The following ERC1 variants were observed in gnomAD, a reference collection of about 807,000 sequenced individuals.
ERC1 encodes the protein ELKS/RAB6-interacting/CAST family member 1.
In ERC1, 56 loss-of-function variants were observed where a neutral mutation model predicts 132.0. That is an observed-to-expected ratio of 0.42 (90% CI 0.34 to 0.53). ERC1 has a LOEUF of 0.53. Among genes scored for constraint, ERC1 ranks in the 20% least tolerant of loss-of-function variants. The pLI is 0.03. For missense variants in ERC1, 1,202 were observed against 1,349.9 expected, an observed-to-expected ratio of 0.89 and a Z score of 1.72; for synonymous variants, 478 against 476.1, an observed-to-expected ratio of 1.00 and a Z score of -0.05.
At chr12:1,137,900 A>G (rs550754827) in intron 7 of ERC1, among the ~76,000 whole-genome samples, 1 of 141,936 alleles carries the variant, frequency 7.0e-6, no homozygotes, top group Admixed American at 7.5e-5. Context: ...TATTATGTAT[A>G]TTATTTATAT....
chr12:1,297,133 AT>A (rs2080015995), intron 15 of ERC1, among the ~76,000 whole-genome samples: 1 of 151,926 alleles, frequency 6.6e-6, no homozygotes, highest in Non-Finnish European at 1.5e-5. Context: ...AAGGGAAACT[AT>A]GATAGCTGAG....
At chr12:1,316,913 A>T (rs2081777425) in intron 15 of ERC1, among the ~76,000 whole-genome samples, 1 of 152,226 alleles carries the variant, frequency 6.6e-6, no homozygotes, top group South Asian at 2.1e-4. Context: ...TAATCCCAGC[A>T]CTTTGGGAGG....
intron 12 of ERC1, among the ~76,000 whole-genome samples, chr12:1,197,360 A>G (rs1052825269): frequency 1.5e-4 from 23 of 152,064 alleles, no homozygotes; most frequent in Admixed American, 1.4e-3. Context: ...CATGCCTAAC[A>G]ATTCCAGTGT....
intron 2 of ERC1, among the ~76,000 whole-genome samples, chr12:1,066,653 A>G (rs59619170): frequency 0.015 from 2,291 of 152,228 alleles, 54 homozygotes; most frequent in African/African-American, 0.053. Context: ...CCTGGCCAAC[A>G]TGGTGAAACC....
chr12:1,213,400 G>A (rs1207071758), intron 12 of ERC1, among the ~76,000 whole-genome samples: 1 of 152,154 alleles, frequency 6.6e-6, no homozygotes, highest in South Asian at 2.1e-4. Context: ...AAGGAAGAGT[G>A]CGTAGAAATA....
At chr12:1,361,098 CAAAA>C (rs760525917) in intron 15 of ERC1, among the ~76,000 whole-genome samples, 3 of 48,128 alleles carry the variant, frequency 6.2e-5, no homozygotes, top group African/African-American at 2.0e-4. Flanking sequence ...GGCTCTGTCT[CAAAA>C]AAAAAAAAAA....
intron 18 of ERC1, among the ~76,000 whole-genome samples, chr12:1,467,263 GT>G (rs1261983866): frequency 6.6e-6 from 1 of 152,170 alleles, no homozygotes; most frequent in African/African-American, 2.4e-5. Flanking sequence ...CAGTGGTTCG[GT>G]TTGTTCCTTT....
intron 16 of ERC1, among the ~76,000 whole-genome samples, chr12:1,394,216 C>T (rs1024482119): frequency 2.5e-4 from 37 of 150,864 alleles, no homozygotes; most frequent in East Asian, 9.9e-4. Context: ...CTGGCTAACA[C>T]GGTGAAACCC....
At position 1,419,864 on chromosome 12, in the gene ERC1, CAAA is replaced by C. The variant is rs61705685; in HGVS notation, c.3024+11631_3024+11633del. On this transcript the variant is annotated intron_variant, in intron 17 of 18. Transcript: ENST00000360905. ...AAAAGAAGTAATGGTGATTTTCTGGCAAAAAAAAAAAAAAAAGATACATTCAAA... is the reference window on the plus strand; with the variant it reads ...AAAAGAAGTAATGGTGATTTTCTGGCAAAAAAAAAAAAAGATACATTCAAA... Among the ~76,000 whole-genome samples, 402 of 136,790 alleles carry C rather than the reference CAAA, an allele frequency of 2.9e-3. 1 individual carries two copies. Among genetic ancestry groups the C allele is most frequent in the Admixed American group, 6.9e-3 (94 of 13,694 alleles). 89.7% of individuals were successfully genotyped at this position (136,790 alleles called of 152,430 possible).
intron 16 of ERC1, among the ~76,000 whole-genome samples, chr12:1,383,946 G>A (rs998478891): frequency 5.5e-4 from 83 of 152,146 alleles, no homozygotes; most frequent in African/African-American, 2.0e-3. Context: ...AAGAGGTTAA[G>A]TAACTTGCCC....
chr12:1,312,791 G>A (rs1270771785), intron 15 of ERC1, among the ~76,000 whole-genome samples: 1 of 152,006 alleles, frequency 6.6e-6, no homozygotes, highest in African/African-American at 2.4e-5. Flanking sequence ...TTATGAGTTG[G>A]TCATTTCTTT....
intron 4 of ERC1, among the ~76,000 whole-genome samples, chr12:1,107,380 T>C (rs1285521774): frequency 6.6e-6 from 1 of 152,180 alleles, no homozygotes; most frequent in Non-Finnish European, 1.5e-5. Flanking sequence ...TCCTGGACTG[T>C]ACCCTGGATC....
intron 1 of ERC1, among the ~76,000 whole-genome samples, chr12:1,019,914 T>C (rs1966083701): frequency 6.6e-6 from 1 of 151,860 alleles, no homozygotes; most frequent in Non-Finnish European, 1.5e-5. Context: ...GCTATTTTTT[T>C]TTTTATTTTT....
chr12:1,489,010 C>T (rs1565542373), intron 18 of ERC1, among the ~76,000 whole-genome samples: 3 of 152,324 alleles, frequency 2.0e-5, no homozygotes, highest in East Asian at 1.9e-4. Context: ...TTTAAAACTG[C>T]GTGGACTCCT....
At chr12:1,296,401 C>CTTTTTTTTTTTTTTTTTTTTTTTTTTTT (rs57458560) in intron 15 of ERC1, among the ~76,000 whole-genome samples, 1 of 76,206 alleles carries the variant, frequency 1.3e-5, no homozygotes, top group Non-Finnish European at 2.4e-5. Context: ...ATTGGATAGT[C>CTTTTTTTTTTTTTTTTTTTTTTTTTTTT]TTTTTTTTTT....
intron 8 of ERC1, among the ~76,000 whole-genome samples, chr12:1,157,810 A>G (rs1309642205): frequency 6.6e-6 from 1 of 152,230 alleles, no homozygotes; most frequent in Non-Finnish European, 1.5e-5. Context: ...AAAATTGACC[A>G]TTGGCTTTAA....
chr12:1,004,371 G>A (rs1963062100), intron 1 of ERC1, among the ~76,000 whole-genome samples: 1 of 146,116 alleles, frequency 6.8e-6, no homozygotes, highest in Admixed American at 6.8e-5. Context: ...ATTTCTGCTG[G>A]TTAATAAATT....
intron 15 of ERC1, among the ~76,000 whole-genome samples, chr12:1,319,104 C>A (rs1444822776): frequency 6.6e-6 from 1 of 152,128 alleles, no homozygotes; most frequent in Non-Finnish European, 1.5e-5. Flanking sequence ...ATGTTCCTGA[C>A]TTCTGAACTG....
intron 14 of ERC1, among the ~76,000 whole-genome samples, chr12:1,275,823 T>C: frequency 6.6e-6 from 1 of 152,208 alleles, no homozygotes; most frequent in Non-Finnish European, 1.5e-5. Flanking sequence ...TGCCCGCATC[T>C]GCTTCTGGTG....
Sources: gnomAD v4.1 joint callset for allele counts (sites outside exome capture counted in the v4.1 genomes callset) on GRCh38, gnomAD v4.1.1 for gene constraint, MANE v1.5 for transcripts, NCBI Gene and HGNC (gene_info 2026-07-23, HGNC 2026-07-21) for gene names.